CTNNA3: variants seen among roughly 807,000 people sequenced by gnomAD.
CTNNA3 encodes the protein catenin alpha-3.
Under a neutral mutation model 95.7 loss-of-function variants are expected in CTNNA3, and 76 were observed. The ratio of observed to expected loss-of-function variants is 0.79; its 90% CI spans 0.66 to 0.96. The LOEUF (loss-of-function observed/expected upper bound fraction) is 0.96. CTNNA3 is among the 40% of genes least tolerant of loss of function. The pLI, the probability that CTNNA3 is intolerant of heterozygous loss-of-function variation, is 0.00. For synonymous variants in CTNNA3, 431 were observed against 374.4 expected, an observed-to-expected ratio of 1.15 and a Z score of -1.74; for missense variants, 1,191 against 1,089.8, an observed-to-expected ratio of 1.09 and a Z score of -1.31.
chr10:66,264,273 C>CA (rs1366025351), intron 13 of CTNNA3, among the ~76,000 whole-genome samples: 1 of 151,874 alleles, frequency 6.6e-6, no homozygotes, highest in Non-Finnish European at 1.5e-5. Context: ...CACAATGCCC[C>CA]AAAACAAGAA....
chr10:66,407,919 A>G (rs2093070828), intron 11 of CTNNA3, among the ~76,000 whole-genome samples: 1 of 152,152 alleles, frequency 6.6e-6, no homozygotes, highest in Non-Finnish European at 1.5e-5. Flanking sequence ...CATTATTTGC[A>G]GTTCTGTTCT....
At chr10:65,968,799 T>C (rs914358600) in intron 16 of CTNNA3, among the ~76,000 whole-genome samples, 7 of 152,104 alleles carry the variant, frequency 4.6e-5, no homozygotes, top group East Asian at 1.9e-4. Context: ...TGTAGAGAAT[T>C]TGAGGACAAG....
At chr10:66,969,431 T>C (rs1849603772) in intron 7 of CTNNA3, among the ~76,000 whole-genome samples, 2 of 152,184 alleles carry the variant, frequency 1.3e-5, no homozygotes. Context: ...ATTTGAATAA[T>C]GTATAATATC....
In CTNNA3 at chr10:67,225,477, C is replaced by T. The variant is rs149665215; in HGVS notation, c.580-5607G>A. On this transcript the variant is annotated intron_variant, in intron 5 of 17. Transcript: ENST00000433211. ...AACCCTCACGGAGTCCACTGCACCC[C>T]GCTGCCACCTCCACCAGAACAGGAA... Among the ~76,000 whole-genome samples, 55 of 152,288 alleles carry T rather than the reference C, an allele frequency of 3.6e-4. No individual in the cohort carries two copies. The East Asian group carries it at 7.3e-3, about 20-fold the overall frequency.
chr10:67,440,690 C>A (rs1846475241), intron 5 of CTNNA3, among the ~76,000 whole-genome samples: 1 of 152,104 alleles, frequency 6.6e-6, no homozygotes, highest in African/African-American at 2.4e-5. Flanking sequence ...AGAGTCTCTG[C>A]CTAGTAATCC....
chr10:66,314,815 T>C lies in CTNNA3; in HGVS notation c.1733-34194A>G, dbSNP rs529134697. 1.8e-3 allele frequency among the ~76,000 whole-genome samples: 277 copies of C among 152,154 alleles called. 2 individuals are homozygous for C. Among genetic ancestry groups the C allele is most frequent in the African/African-American group, 6.2e-3 (258 of 41,550 alleles). ...AAGCCAATCTTTAGCATCACTTGGA[T>C]AAAAGTCAGAAGAATAAAAAACAGT... On this transcript the variant is annotated intron_variant, in intron 12 of 17. Coordinates refer to ENST00000433211, the MANE Select transcript of CTNNA3 (RefSeq NM_013266.4).
At chr10:66,057,058 T>C (rs2080101707) in intron 15 of CTNNA3, among the ~76,000 whole-genome samples, 1 of 152,190 alleles carries the variant, frequency 6.6e-6, no homozygotes, top group African/African-American at 2.4e-5. Flanking sequence ...TCCTATTTAG[T>C]CTACCTGAAA....
chr10:66,178,440 T>TATATATAC (rs1231414006), intron 13 of CTNNA3, among the ~76,000 whole-genome samples: 51 of 105,648 alleles, frequency 4.8e-4, no homozygotes, highest in East Asian at 7.8e-4. Context: ...TATATATATA[T>TATATATAC]ATACACACAC....
At chr10:66,361,541 T>G (rs2092675673) in intron 12 of CTNNA3, among the ~76,000 whole-genome samples, 1 of 151,498 alleles carries the variant, frequency 6.6e-6, no homozygotes. Flanking sequence ...TCTTTCTTTC[T>G]TTCTTTCTTT....
At chr10:66,311,402 A>G (rs1200552888) in intron 12 of CTNNA3, among the ~76,000 whole-genome samples, 1 of 152,220 alleles carries the variant, frequency 6.6e-6, no homozygotes, top group East Asian at 1.9e-4. Context: ...GAGCTTCTGA[A>G]GTCTTTGTGG....
chr10:66,156,370 C>T, intron 13 of CTNNA3, among the ~76,000 whole-genome samples: 1 of 151,942 alleles, frequency 6.6e-6, no homozygotes, highest in Non-Finnish European at 1.5e-5. Context: ...TTTACAAATA[C>T]CGCCATCAGG....
intron 15 of CTNNA3, among the ~76,000 whole-genome samples, chr10:66,037,021 C>A (rs1003797292): frequency 6.6e-6 from 1 of 151,676 alleles, no homozygotes; most frequent in African/African-American, 2.4e-5. Context: ...TACAGGCACC[C>A]GCCACCATGC....
intron 1 of CTNNA3, among the ~76,000 whole-genome samples, chr10:67,756,003 A>C (rs1171104305): frequency 1.3e-5 from 2 of 152,134 alleles, no homozygotes; most frequent in Non-Finnish European, 2.9e-5. Flanking sequence ...AAATCCTCTC[A>C]TTTGCAGCAA....
intron 9 of CTNNA3, among the ~76,000 whole-genome samples, chr10:66,725,272 T>A (rs971230180): frequency 3.3e-5 from 5 of 152,114 alleles, no homozygotes; most frequent in Non-Finnish European, 5.9e-5. Context: ...CTATTTTCTA[T>A]CTTAAGATCT....
intron 10 of CTNNA3, among the ~76,000 whole-genome samples, chr10:66,561,509 A>C (rs1160491029): frequency 6.6e-6 from 1 of 152,100 alleles, no homozygotes; most frequent in Non-Finnish European, 1.5e-5. Context: ...CTAGTACACA[A>C]TAAAACCAAG....
chr10:66,879,015 A>G (rs1311856334), intron 7 of CTNNA3, among the ~76,000 whole-genome samples: 2 of 152,118 alleles, frequency 1.3e-5, no homozygotes, highest in African/African-American at 2.4e-5. Flanking sequence ...AGACTTTGTC[A>G]TTTCATCATC....
intron 8 of CTNNA3, among the ~76,000 whole-genome samples, chr10:66,774,120 G>A (rs1179648809): frequency 6.6e-6 from 1 of 152,154 alleles, no homozygotes; most frequent in Non-Finnish European, 1.5e-5. Context: ...AAGTATAAAT[G>A]TAGATTAGCT....
At chr10:65,967,744 G>T (rs2078005106) in intron 16 of CTNNA3, among the ~76,000 whole-genome samples, 1 of 152,096 alleles carries the variant, frequency 6.6e-6, no homozygotes, top group Non-Finnish European at 1.5e-5. Flanking sequence ...AATAGCTTTG[G>T]TTAAGATTTA....
chr10:66,858,268 G>C (rs190188962), intron 7 of CTNNA3, among the ~76,000 whole-genome samples: 10 of 151,970 alleles, frequency 6.6e-5, no homozygotes, highest in Admixed American at 6.6e-4. Context: ...GATCATGGTC[G>C]AATAGCTTTT....
Sources: gnomAD v4.1 joint callset for allele counts (sites outside exome capture counted in the v4.1 genomes callset) on GRCh38, gnomAD v4.1.1 for gene constraint, MANE v1.5 for transcripts, NCBI Gene and HGNC (gene_info 2026-07-23, HGNC 2026-07-21) for gene names.